DNAI7: variants seen among roughly 807,000 people sequenced by gnomAD.
The protein encoded by DNAI7 is cancer susceptibility 1.
DNAI7 carries 78 observed loss-of-function variants against 86.6 expected under a neutral mutation model. That is an observed-to-expected ratio of 0.90 (90% CI 0.75 to 1.09). DNAI7 has a LOEUF of 1.09. Among genes scored for constraint, DNAI7 ranks in the 50% least tolerant of loss-of-function variants. DNAI7 has a pLI of 0.00. For synonymous variants in DNAI7, 274 were observed against 273.0 expected, an observed-to-expected ratio of 1.00 and a Z score of -0.04; for missense variants, 753 against 810.2, an observed-to-expected ratio of 0.93 and a Z score of 0.86.
rs1271287358 is a variant in DNAI7, at chr12:25,123,324, T to G, written c.1003-38A>C. Reference sequence around the variant, plus strand: ...ACAGACATATGGGTGTGATTGTCAGTGTCTACATAGTACAGTCATTGTCTT... The same window carrying G: ...ACAGACATATGGGTGTGATTGTCAGGGTCTACATAGTACAGTCATTGTCTT... On this transcript the variant is annotated intron_variant, in intron 9 of 15. Coordinates refer to ENST00000395987, the MANE Select transcript of DNAI7 (RefSeq NM_018272.5). 5.1e-6 allele frequency: 7 copies of G among 1,372,158 alleles called. No homozygotes were observed. The South Asian group carries it at 7.4e-5, about 15-fold the overall frequency. 85.0% of individuals were successfully genotyped at this position (1,372,158 alleles called of 1,614,324 possible). A position where few individuals can be genotyped will look rare whatever the true frequency, so the allele number is the denominator to read the frequency against.
chr12:25,190,695 G>A (rs1053989690), intron 1 of DNAI7, 64 bp from the exon 2 acceptor site: 3 of 887,754 alleles, frequency 3.4e-6, no homozygotes, highest in Non-Finnish European at 5.2e-6. Flanking sequence ...AAAGTATCAT[G>A]ATTATGTAAG....
intron 2 of DNAI7, among the ~76,000 whole-genome samples, chr12:25,186,015 GA>G: frequency 6.6e-6 from 1 of 152,208 alleles, no homozygotes; most frequent in Non-Finnish European, 1.5e-5. Context: ...TTCATTGGAA[GA>G]AAAGTCATAA....
At chr12:25,191,750 A>G (rs921694044) in intron 1 of DNAI7, among the ~76,000 whole-genome samples, 1 of 152,208 alleles carries the variant, frequency 6.6e-6, no homozygotes, top group Non-Finnish European at 1.5e-5. Flanking sequence ...TGATAAAATG[A>G]AGATTCTATT....
At chr12:25,184,966 T>TTAA (rs766206117) in intron 2 of DNAI7, among the ~76,000 whole-genome samples, 3 of 106,516 alleles carry the variant, frequency 2.8e-5, no homozygotes, top group African/African-American at 6.8e-5. Context: ...CCCATCTCTA[T>TTAA]AAAAAAAAAA....
chr12:25,184,799 A>G (rs1221050164), intron 2 of DNAI7, among the ~76,000 whole-genome samples: 1 of 152,098 alleles, frequency 6.6e-6, no homozygotes, highest in African/African-American at 2.4e-5. Flanking sequence ...TGAAGACCAA[A>G]GCTCAAGTTC....
At chr12:25,176,533 G>T (rs1948976030) in intron 2 of DNAI7, among the ~76,000 whole-genome samples, 1 of 151,972 alleles carries the variant, frequency 6.6e-6, no homozygotes, top group Admixed American at 6.5e-5. Context: ...AGTGCTGAAT[G>T]AAACAGAAAT....
chr12:25,117,533 C>G (rs1031164012), intron 12 of DNAI7, among the ~76,000 whole-genome samples: 1 of 152,108 alleles, frequency 6.6e-6, no homozygotes, highest in Non-Finnish European at 1.5e-5. Flanking sequence ...GTGTACTCCT[C>G]TCATCTAGGA....
chr12:25,175,324 C>T (rs1372966203), intron 2 of DNAI7, among the ~76,000 whole-genome samples: 1 of 152,074 alleles, frequency 6.6e-6, no homozygotes, highest in South Asian at 2.1e-4. Context: ...ATATTTTTGT[C>T]TGCCTTCCTT....
At chr12:25,158,244 G>A (rs1177450734) in intron 4 of DNAI7, among the ~76,000 whole-genome samples, 2 of 151,590 alleles carry the variant, frequency 1.3e-5, no homozygotes, top group Admixed American at 6.6e-5. Flanking sequence ...AAAAAAAAAA[G>A]AAGATCCAAG....
At chr12:25,150,393 A>T (rs1945375176) in intron 6 of DNAI7, among the ~76,000 whole-genome samples, 1 of 152,092 alleles carries the variant, frequency 6.6e-6, no homozygotes, top group African/African-American at 2.4e-5. Flanking sequence ...TCACGAGGTC[A>T]GGAGATCAAG....
intron 7 of DNAI7, 90 bp downstream of exon 7, chr12:25,149,538 A>C (rs1945251638): frequency 1.0e-6 from 1 of 961,270 alleles, no homozygotes; most frequent in African/African-American, 1.7e-5. Context: ...TAATCTCTTC[A>C]TTTTTCAATT....
At position 25,144,694 on chromosome 12, in the gene DNAI7, A is replaced by G. The variant is rs752944325; in HGVS notation, c.690-17T>C. 3.8e-6 allele frequency: 6 copies of G among 1,583,868 alleles called. No homozygotes were observed. The highest frequency in any genetic ancestry group is 4.3e-6 in the Non-Finnish European group (5 of 1,162,996). The stretch of plus-strand genomic sequence containing the variant: ...CTTCTGTGCCTGTTAATAATTAATT[A>G]CAACAAAAAAAGATGAGACCCTAGG... On this transcript the variant is annotated splice_polypyrimidine_tract_variant and intron_variant, in intron 8 of 15. Coordinates refer to ENST00000395987, the MANE Select transcript of DNAI7 (RefSeq NM_018272.5).
At chr12:25,165,095 T>C (rs553315665) in intron 2 of DNAI7, among the ~76,000 whole-genome samples, 2 of 152,296 alleles carry the variant, frequency 1.3e-5, no homozygotes, top group East Asian at 3.9e-4. Context: ...AACCCTGGGA[T>C]GCTTTACAGC....
At chr12:25,147,185 T>G (rs1944962616) in intron 7 of DNAI7, 81 bp from the exon 8 acceptor site, 1 of 720,768 alleles carries the variant, frequency 1.4e-6, no homozygotes, top group South Asian at 1.7e-5. Flanking sequence ...TTATCACTTA[T>G]GTGTTGGATT....
Position 25,158,483 on chromosome 12 carries a change from G to A in DNAI7, c.187C>T (p.Leu63Phe). Residue 63 changes from leucine to phenylalanine, a missense_variant, in exon 4 of 16, where the codon CTT becomes TTT. Transcript: ENST00000395987. ...QRIEKEKWHR[L>F]EAKDLERRNE... Reference sequence around the variant, plus strand: ...TAATGTTTATTTACTTTTGCTTCAAGTCGATGCCATTTTTCTTTCTCAATT... The same window carrying A: ...TAATGTTTATTTACTTTTGCTTCAAATCGATGCCATTTTTCTTTCTCAATT... The A allele has an allele frequency of 6.2e-7, 1 of 1,611,572 alleles. No homozygotes were observed. Among genetic ancestry groups the A allele is most frequent in the Non-Finnish European group, 8.5e-7 (1 of 1,178,688 alleles).
chr12:25,131,508 A>T (rs1481589734), intron 9 of DNAI7, among the ~76,000 whole-genome samples: 1 of 152,194 alleles, frequency 6.6e-6, no homozygotes, highest in African/African-American at 2.4e-5. Flanking sequence ...TAGTGACAGC[A>T]AGAGTCTTCC....
intron 6 of DNAI7, among the ~76,000 whole-genome samples, chr12:25,154,099 T>C (rs563797235): frequency 6.6e-6 from 1 of 152,278 alleles, no homozygotes; most frequent in East Asian, 1.9e-4. Context: ...AGACAAATAA[T>C]CAATGTTTTA....
rs1004635044 is a variant in DNAI7, at chr12:25,108,315, A to G, written c.*233T>C. 3 of 547,126 alleles carry G rather than the reference A, an allele frequency of 5.5e-6. No individual in the cohort carries two copies. The African/African-American group carries it at 5.7e-5, about 10-fold the overall frequency. 33.9% of individuals were successfully genotyped at this position (547,126 alleles called of 1,614,324 possible). A position where few individuals can be genotyped will look rare whatever the true frequency, so the allele number is the denominator to read the frequency against. On this transcript the variant is annotated 3_prime_UTR_variant, in exon 16 of 16. Coordinates refer to ENST00000395987, the MANE Select transcript of DNAI7 (RefSeq NM_018272.5). Reference sequence around the variant, plus strand: ...ATTGTTTGTTAAAGTTTATTGAAATAAAGAATCATTTAAATCTTCATAGAG... The same window carrying G: ...ATTGTTTGTTAAAGTTTATTGAAATGAAGAATCATTTAAATCTTCATAGAG...
At chr12:25,152,932 A>G (rs1945729249) in intron 6 of DNAI7, among the ~76,000 whole-genome samples, 1 of 152,222 alleles carries the variant, frequency 6.6e-6, no homozygotes, top group African/African-American at 2.4e-5. Flanking sequence ...GTGAGGATTC[A>G]CATCTTTCAT....
Sources: gnomAD v4.1 joint callset for allele counts (sites outside exome capture counted in the v4.1 genomes callset) on GRCh38, gnomAD v4.1.1 for gene constraint, MANE v1.5 for transcripts, NCBI Gene and HGNC (gene_info 2026-07-23, HGNC 2026-07-21) for gene names.